Variants in ADAMTSL1 observed in about 807,000 individuals in gnomAD.
ADAMTSL1 encodes ADAMTS like 1, also known as ADAMTS-like protein 1.
Under a neutral mutation model 201.8 loss-of-function variants are expected in ADAMTSL1, and 126 were observed. That is an observed-to-expected ratio of 0.62 (90% CI 0.54 to 0.72). The LOEUF (loss-of-function observed/expected upper bound fraction) is 0.72, where lower values mean the gene tolerates loss of function less well. ADAMTSL1 is among the 30% of genes least tolerant of loss of function. ADAMTSL1 has a pLI of 0.00. For synonymous variants in ADAMTSL1, 1,121 were observed against 903.4 expected, an observed-to-expected ratio of 1.24 and a Z score of -4.32; for missense variants, 2,679 against 2,277.8, an observed-to-expected ratio of 1.18 and a Z score of -3.59.
chr9:18,242,217 A>T (rs1053914598), intron 2 of ADAMTSL1, among the ~76,000 whole-genome samples: 3 of 152,182 alleles, frequency 2.0e-5, no homozygotes, highest in African/African-American at 7.2e-5. Flanking sequence ...TATGCAAATC[A>T]ATCAATGTAA....
chr9:18,860,020 C>G (rs1827110283), intron 23 of ADAMTSL1, among the ~76,000 whole-genome samples: 1 of 152,124 alleles, frequency 6.6e-6, no homozygotes, highest in South Asian at 2.1e-4. Context: ...GATGTGTGTG[C>G]ATATGTGTGA....
chr9:18,233,029 T>G (rs1419010367), intron 2 of ADAMTSL1, among the ~76,000 whole-genome samples: 1 of 152,208 alleles, frequency 6.6e-6, no homozygotes, highest in Non-Finnish European at 1.5e-5. Flanking sequence ...TTATCATCTC[T>G]ACATCTCATC....
At chr9:18,849,171 G>A (rs12552386) in intron 23 of ADAMTSL1, among the ~76,000 whole-genome samples, 10,449 of 152,254 alleles carry the variant, frequency 0.069, 509 homozygotes, top group Admixed American at 0.12. Flanking sequence ...AGAAGAGGCT[G>A]CATAAGTATT....
chr9:18,581,874 C>G (rs1473391827), intron 4 of ADAMTSL1, among the ~76,000 whole-genome samples: 1 of 152,188 alleles, frequency 6.6e-6, no homozygotes, highest in Non-Finnish European at 1.5e-5. Flanking sequence ...CCTCTCAGCT[C>G]AAGGAGGTAG....
At chr9:18,377,774 G>T (rs1162004517) in intron 2 of ADAMTSL1, among the ~76,000 whole-genome samples, 1 of 152,066 alleles carries the variant, frequency 6.6e-6, no homozygotes, top group Non-Finnish European at 1.5e-5. Context: ...CACCATGTTG[G>T]CCAGGCTGGT....
At chr9:17,945,414 C>G (rs1426310381) in intron 1 of ADAMTSL1, among the ~76,000 whole-genome samples, 3 of 140,178 alleles carry the variant, frequency 2.1e-5, no homozygotes. Flanking sequence ...GTGGCGATTC[C>G]TCAGGGATCT....
chr9:17,935,445 C>T (rs936416866), intron 1 of ADAMTSL1, among the ~76,000 whole-genome samples: 1 of 152,170 alleles, frequency 6.6e-6, no homozygotes, highest in Non-Finnish European at 1.5e-5. Context: ...TGCCTAGACT[C>T]TAACCTCATG....
intron 1 of ADAMTSL1, among the ~76,000 whole-genome samples, chr9:18,150,953 A>G (rs1207758195): frequency 6.6e-6 from 1 of 151,930 alleles, no homozygotes; most frequent in Non-Finnish European, 1.5e-5. Flanking sequence ...ATAGAAGGAA[A>G]GGAGGGGGCT....
chr9:18,575,006 T>A (rs1352978341), intron 4 of ADAMTSL1, among the ~76,000 whole-genome samples: 2 of 152,218 alleles, frequency 1.3e-5, no homozygotes, highest in Non-Finnish European at 2.9e-5. Context: ...TTCTGTGTGC[T>A]GTATTTGACT....
At chr9:18,308,500 G>A (rs980858950) in intron 2 of ADAMTSL1, among the ~76,000 whole-genome samples, 1 of 152,124 alleles carries the variant, frequency 6.6e-6, no homozygotes. Context: ...AAATGATAAA[G>A]AGGATATCAC....
At chr9:18,530,530 A>G (rs1227543093) in intron 2 of ADAMTSL1, among the ~76,000 whole-genome samples, 2 of 152,126 alleles carry the variant, frequency 1.3e-5, no homozygotes, top group South Asian at 4.1e-4. Context: ...TTCCCCACAT[A>G]AACCCTAAAT....
At position 18,651,727 on chromosome 9, in the gene ADAMTSL1, C is replaced by A. The variant is rs747254051; in HGVS notation, c.835-5912C>A. ...GGGAACAGAAACTTTGCGATTTCTG[C>A]TTGCATCAGTTAGAGTATTAGGCAA... On this transcript the variant is annotated intron_variant, in intron 7 of 28. Coordinates refer to ENST00000380548, the MANE Select transcript of ADAMTSL1 (RefSeq NM_001040272.6). Among the ~76,000 whole-genome samples the A allele has an allele frequency of 2.6e-5, 4 of 152,112 alleles. No homozygotes were observed. In the East Asian group the frequency reaches 7.7e-4, roughly 29 times the overall value.
chr9:18,099,558 A>AT (rs1207980830), intron 1 of ADAMTSL1, among the ~76,000 whole-genome samples: 1 of 147,180 alleles, frequency 6.8e-6, no homozygotes. Flanking sequence ...GTATGTCGAA[A>AT]TTTTTTTTAC....
intron 2 of ADAMTSL1, among the ~76,000 whole-genome samples, chr9:18,250,595 C>G (rs1342688056): frequency 1.3e-5 from 2 of 152,104 alleles, no homozygotes; most frequent in African/African-American, 4.8e-5. Context: ...AAAGAGCATC[C>G]TCAGCTACGG....
At chr9:18,256,617 C>T (rs1831699763) in intron 2 of ADAMTSL1, among the ~76,000 whole-genome samples, 1 of 152,230 alleles carries the variant, frequency 6.6e-6, no homozygotes, top group East Asian at 1.9e-4. Context: ...TGGGGAAGAC[C>T]AAGGAGCCAG....
chr9:18,787,178 T>C (rs898589102), intron 19 of ADAMTSL1, among the ~76,000 whole-genome samples: 2 of 152,192 alleles, frequency 1.3e-5, no homozygotes, highest in Non-Finnish European at 2.9e-5. Flanking sequence ...TTGTTTCCCT[T>C]ATAGAGCTAA....
intron 16 of ADAMTSL1, among the ~76,000 whole-genome samples, chr9:18,762,953 C>T (rs893231219): frequency 1.3e-5 from 2 of 152,074 alleles, no homozygotes; most frequent in Non-Finnish European, 2.9e-5. Context: ...AGAATATATA[C>T]ACTGCAACAA....
rs953882685 is a variant in ADAMTSL1, at chr9:18,067,919, G to T, written c.88-95943G>T. ...AGCTCTCCTGAGATTCAAACAGGAG[G>T]GGGTGGGCTGACAGTGAGCACAGAG... On this transcript the variant is annotated intron_variant, in intron 1 of 29. Transcript: ENST00000680146. Among the ~76,000 whole-genome samples, 4 of 152,296 alleles carry T rather than the reference G, an allele frequency of 2.6e-5. No individual in the cohort carries two copies. In the East Asian group the frequency reaches 5.8e-4, roughly 22 times the overall value.
chr9:18,778,502 G>A (rs1163933345), intron 19 of ADAMTSL1, among the ~76,000 whole-genome samples: 1 of 152,178 alleles, frequency 6.6e-6, no homozygotes, highest in African/African-American at 2.4e-5. Flanking sequence ...ATGACAGCAT[G>A]TATCACTTCC....
Sources: allele counts gnomAD v4.1 joint callset (sites outside exome capture counted in the v4.1 genomes callset), GRCh38; gene constraint gnomAD v4.1.1; transcripts MANE v1.5; gene names NCBI Gene and HGNC (gene_info 2026-07-23, HGNC 2026-07-21).